Variants in ATP8A1 observed in about 807,000 individuals in gnomAD.
ATP8A1 encodes the protein ATPase phospholipid transporting 8A1.
ATP8A1 carries 90 observed loss-of-function variants against 177.7 expected under a neutral mutation model. The observed-to-expected ratio is 0.51, with a 90% confidence interval of 0.43 to 0.60. The LOEUF (loss-of-function observed/expected upper bound fraction) is 0.60, where lower values mean the gene tolerates loss of function less well. ATP8A1 is among the 20% of genes least tolerant of loss of function. The pLI is 0.00. For missense variants in ATP8A1, 1,072 were observed against 1,392.8 expected (o/e 0.77, Z 3.67); for synonymous variants, 493 against 485.9 (o/e 1.01, Z -0.19).
chr4:42,634,382 T>C (rs1183776295), intron 1 of ATP8A1, among the ~76,000 whole-genome samples: 3 of 152,248 alleles, frequency 2.0e-5, no homozygotes, highest in Admixed American at 1.3e-4. Flanking sequence ...GTTACATGTA[T>C]TGTTCAAATT....
chr4:42,543,932 G>C lies in ATP8A1; in HGVS notation c.1707C>G (p.Leu569=). 6.2e-7 allele frequency: 1 copy of C among 1,611,926 alleles called. No homozygotes were observed. The highest frequency in any genetic ancestry group is 1.3e-5 in the African/African-American group (1 of 75,006). The change falls in exon 20 of 37, where the codon CTC becomes CTG. Residue 569 remains leucine (L), a synonymous_variant. Coordinates refer to ENST00000381668, the MANE Select transcript of ATP8A1 (RefSeq NM_006095.2). The part of the protein sequence containing the change: ...IVRTPSGKLR[L]YCKGADTVIY... The stretch of plus-strand genomic sequence containing the variant: ...AAAAACTTACAGCTCCTTTGCAGTA[G>C]AGTCGTAACTTTCCAGATGGAGTGC...
chr4:42,451,228 T>C (rs141056830), intron 30 of ATP8A1, among the ~76,000 whole-genome samples: 56 of 152,252 alleles, frequency 3.7e-4, no homozygotes, highest in African/African-American at 1.2e-3. Flanking sequence ...CAACCATTAA[T>C]TGATAGACGT....
intron 1 of ATP8A1, among the ~76,000 whole-genome samples, chr4:42,653,386 T>C (rs1741308771): frequency 6.6e-6 from 1 of 152,196 alleles, no homozygotes; most frequent in African/African-American, 2.4e-5. Flanking sequence ...AGGGCCATGC[T>C]TTTCCTCTTC....
At chr4:42,482,799 TAA>T (rs1721828389) in intron 25 of ATP8A1, among the ~76,000 whole-genome samples, 1 of 152,172 alleles carries the variant, frequency 6.6e-6, no homozygotes, top group African/African-American at 2.4e-5. Context: ...CACCTAGGGC[TAA>T]AGAGAAGACT....
At chr4:42,427,154 A>C (rs1224035482) in intron 33 of ATP8A1, among the ~76,000 whole-genome samples, 3 of 152,232 alleles carry the variant, frequency 2.0e-5, no homozygotes, top group Non-Finnish European at 4.4e-5. Flanking sequence ...CAGTGAAAAA[A>C]AACTATGAAA....
intron 1 of ATP8A1, among the ~76,000 whole-genome samples, chr4:42,640,975 G>A (rs1739917250): frequency 6.7e-6 from 1 of 148,816 alleles, no homozygotes; most frequent in Non-Finnish European, 1.5e-5. Flanking sequence ...GTTAGGAAGT[G>A]AAGGAGCAGA....
At chr4:42,413,964 C>T (rs1024453012) in intron 36 of ATP8A1, among the ~76,000 whole-genome samples, 5 of 152,240 alleles carry the variant, frequency 3.3e-5, no homozygotes, top group Non-Finnish European at 5.9e-5. Flanking sequence ...AACTCACTCA[C>T]GCCCCGACAT....
In ATP8A1 at chr4:42,510,049, T is replaced by C. The variant is rs574392354; in HGVS notation, c.1948-2895A>G. 5.3e-5 allele frequency among the ~76,000 whole-genome samples: 8 copies of C among 152,262 alleles called. No individual in the cohort carries two copies. The South Asian group carries it at 1.2e-3, about 24-fold the overall frequency. ...TGCTCATCTTAATGACTCCACAGCA[T>C]TGAATGTCAGCATTTAGTATGTTTG... On this transcript the variant is annotated intron_variant, in intron 22 of 36. Transcript: ENST00000381668.
chr4:42,582,420 T>C (rs1006251460), intron 9 of ATP8A1, among the ~76,000 whole-genome samples: 2 of 151,926 alleles, frequency 1.3e-5, no homozygotes, highest in Non-Finnish European at 2.9e-5. Flanking sequence ...TTTCTAAAAG[T>C]GTTAGGAAGT....
chr4:42,448,356 A>G (rs1425143742), intron 30 of ATP8A1, among the ~76,000 whole-genome samples: 2 of 149,940 alleles, frequency 1.3e-5, no homozygotes, highest in Non-Finnish European at 3.0e-5. Flanking sequence ...TTGATACTAC[A>G]TCAAAACTCA....
At chr4:42,477,854 A>G (rs1189564603) in intron 25 of ATP8A1, among the ~76,000 whole-genome samples, 1 of 150,934 alleles carries the variant, frequency 6.6e-6, no homozygotes, top group East Asian at 2.0e-4. Flanking sequence ...GTAGTGGCGC[A>G]GGCCTGTTAT....
chr4:42,567,633 T>G (rs1560468232), intron 15 of ATP8A1, among the ~76,000 whole-genome samples: 1 of 152,232 alleles, frequency 6.6e-6, no homozygotes, highest in South Asian at 2.1e-4. Flanking sequence ...TAACTATAAG[T>G]GGAAATGTAC....
chr4:42,488,710 CTTTT>C (rs1384415982), intron 24 of ATP8A1, among the ~76,000 whole-genome samples: 1 of 152,094 alleles, frequency 6.6e-6, no homozygotes, highest in Non-Finnish European at 1.5e-5. Flanking sequence ...ATCTTGGTTT[CTTTT>C]GTTTCCCTCT....
intron 20 of ATP8A1, among the ~76,000 whole-genome samples, chr4:42,530,773 G>A (rs1727184675): frequency 1.3e-5 from 2 of 152,202 alleles, no homozygotes; most frequent in African/African-American, 4.8e-5. Context: ...TGTATGCTCT[G>A]AATCAGCATC....
At chr4:42,508,085 A>T (rs544566671) in intron 22 of ATP8A1, among the ~76,000 whole-genome samples, 1 of 152,208 alleles carries the variant, frequency 6.6e-6, no homozygotes, top group African/African-American at 2.4e-5. Context: ...GTCTTGTACC[A>T]TAAGACCAAA....
intron 35 of ATP8A1, among the ~76,000 whole-genome samples, chr4:42,420,284 G>A (rs894539052): frequency 7.9e-5 from 12 of 152,202 alleles, no homozygotes; most frequent in Admixed American, 1.3e-4. Flanking sequence ...ACCAGTGGGC[G>A]GCAGTGGCAA....
chr4:42,648,799 G>A (rs967557284), intron 1 of ATP8A1, among the ~76,000 whole-genome samples: 1 of 151,800 alleles, frequency 6.6e-6, no homozygotes, highest in Non-Finnish European at 1.5e-5. Flanking sequence ...AAACAATTCA[G>A]AAAAAAATAA....
intron 25 of ATP8A1, among the ~76,000 whole-genome samples, chr4:42,475,351 T>C (rs1415021391): frequency 1.3e-5 from 2 of 152,106 alleles, no homozygotes; most frequent in African/African-American, 4.8e-5. Flanking sequence ...GGTCTTACTT[T>C]GTTGCTCAGG....
chr4:42,440,774 C>T (rs554215836), intron 33 of ATP8A1, among the ~76,000 whole-genome samples: 49 of 152,278 alleles, frequency 3.2e-4, no homozygotes, highest in African/African-American at 1.1e-3. Context: ...CCCTTTAGAA[C>T]CACACAGTGT....
Sources: gnomAD v4.1 joint callset for allele counts (sites outside exome capture counted in the v4.1 genomes callset) on GRCh38, gnomAD v4.1.1 for gene constraint, MANE v1.5 for transcripts, NCBI Gene and HGNC (gene_info 2026-07-23, HGNC 2026-07-21) for gene names.